Variants in FGF12 observed in about 807,000 individuals in gnomAD.
FGF12 encodes the protein fibroblast growth factor 12B.
A neutral mutation model predicts 23.6 loss-of-function variants in FGF12; 14 were observed. That is an observed-to-expected ratio of 0.59 (90% confidence interval 0.39 to 0.93). The LOEUF (loss-of-function observed/expected upper bound fraction) is 0.93. Ranked by LOEUF, FGF12 falls within the 40% of genes least tolerant of loss-of-function variation. FGF12 has a pLI of 0.00. For synonymous variants in FGF12, 62 were observed against 77.3 expected, an observed-to-expected ratio of 0.80 and a Z score of 1.04; for missense variants, 175 against 217.8, an observed-to-expected ratio of 0.80 and a Z score of 1.24.
intron 4 of FGF12, among the ~76,000 whole-genome samples, chr3:192,174,323 C>G (rs894440509): frequency 6.6e-6 from 1 of 152,138 alleles, no homozygotes; most frequent in Non-Finnish European, 1.5e-5. Context: ...AGGTAGGAAC[C>G]GGGCTTTGAA....
At chr3:192,366,363 T>A (rs1718984014) in intron 2 of FGF12, among the ~76,000 whole-genome samples, 1 of 152,138 alleles carries the variant, frequency 6.6e-6, no homozygotes, top group South Asian at 2.1e-4. Context: ...GTTCTGCATA[T>A]AAACTCCAAT....
intron 2 of FGF12, among the ~76,000 whole-genome samples, chr3:192,426,464 G>T (rs758685162): frequency 1.3e-5 from 2 of 152,188 alleles, no homozygotes; most frequent in Non-Finnish European, 2.9e-5. Context: ...AGCTACAAGG[G>T]AACATTGCAT....
intron 2 of FGF12, among the ~76,000 whole-genome samples, chr3:192,640,838 G>C (rs1490004272): frequency 6.6e-6 from 1 of 151,478 alleles, no homozygotes; most frequent in Non-Finnish European, 1.5e-5. Flanking sequence ...TGTGAGACAG[G>C]GTCTTACTCT....
At chr3:192,471,639 ATTG>A (rs1215178058) in intron 2 of FGF12, among the ~76,000 whole-genome samples, 2 of 152,218 alleles carry the variant, frequency 1.3e-5, no homozygotes, top group African/African-American at 4.8e-5. Flanking sequence ...CTGTGTTATT[ATTG>A]TTGATTTCAA....
intron 2 of FGF12, among the ~76,000 whole-genome samples, chr3:192,683,873 A>T (rs1717634131): frequency 6.6e-6 from 1 of 152,212 alleles, no homozygotes; most frequent in Non-Finnish European, 1.5e-5. Flanking sequence ...GTTCGGCTGC[A>T]ACTCAACCTC....
At chr3:192,316,126 A>C (rs1041052881) in intron 4 of FGF12, among the ~76,000 whole-genome samples, 1 of 152,106 alleles carries the variant, frequency 6.6e-6, no homozygotes, top group Non-Finnish European at 1.5e-5. Flanking sequence ...TGGTATTAAG[A>C]TGGTTAGAGT....
intron 2 of FGF12, among the ~76,000 whole-genome samples, chr3:192,501,740 G>A (rs1360995043): frequency 6.6e-6 from 1 of 152,204 alleles, no homozygotes; most frequent in Non-Finnish European, 1.5e-5. Context: ...AAACATAGCA[G>A]TCTCTGCTAG....
chr3:192,333,752 A>G (rs947873805), intron 4 of FGF12, among the ~76,000 whole-genome samples: 1 of 152,118 alleles, frequency 6.6e-6, no homozygotes, highest in Non-Finnish European at 1.5e-5. Flanking sequence ...GCTTAAGTGA[A>G]AATCGATGGA....
chr3:192,618,512 G>A (rs1714849709), intron 2 of FGF12, among the ~76,000 whole-genome samples: 1 of 152,120 alleles, frequency 6.6e-6, no homozygotes, highest in South Asian at 2.1e-4. Flanking sequence ...GACAAGATGA[G>A]AAGAGTTAGT....
At chr3:192,251,058 G>C (rs1711974513) in intron 4 of FGF12, among the ~76,000 whole-genome samples, 1 of 152,118 alleles carries the variant, frequency 6.6e-6, no homozygotes, top group Admixed American at 6.6e-5. Flanking sequence ...AAAACTTACA[G>C]TCTTAAGCTG....
At chr3:192,431,143 A>G (rs182306544) in intron 2 of FGF12, among the ~76,000 whole-genome samples, 1 of 152,292 alleles carries the variant, frequency 6.6e-6, no homozygotes, top group East Asian at 1.9e-4. Flanking sequence ...TGAATGGAGA[A>G]ATTACTTGGA....
chr3:192,646,655 T>G (rs1231645654), intron 2 of FGF12, among the ~76,000 whole-genome samples: 1 of 152,128 alleles, frequency 6.6e-6, no homozygotes, highest in Non-Finnish European at 1.5e-5. Flanking sequence ...GAAATGTTCA[T>G]AGTAGGCAAA....
chr3:192,626,499 GA>G (rs748883392), intron 2 of FGF12, among the ~76,000 whole-genome samples: 7 of 152,170 alleles, frequency 4.6e-5, no homozygotes, highest in Admixed American at 1.3e-4. Context: ...TTTTCTCTCA[GA>G]AATGGACTAA....
At chr3:192,382,555 TA>T (rs1249212578) in intron 2 of FGF12, among the ~76,000 whole-genome samples, 2 of 152,048 alleles carry the variant, frequency 1.3e-5, no homozygotes, top group African/African-American at 4.8e-5. Flanking sequence ...TACGTTGGTA[TA>T]AAAAACAAAG....
intron 2 of FGF12, among the ~76,000 whole-genome samples, chr3:192,702,877 C>T (rs924177749): frequency 1.3e-5 from 2 of 152,174 alleles, no homozygotes; most frequent in Admixed American, 1.3e-4. Flanking sequence ...GAGTTGATTA[C>T]ATATAACTAT....
intron 2 of FGF12, among the ~76,000 whole-genome samples, chr3:192,633,857 AC>A (rs531224470): frequency 8.6e-5 from 13 of 151,804 alleles, no homozygotes; most frequent in East Asian, 3.9e-4. Flanking sequence ...CATCTCAACA[AC>A]CCTTCATGCG....
chr3:192,547,251 G>A (rs527497360), intron 2 of FGF12, among the ~76,000 whole-genome samples: 140 of 152,274 alleles, frequency 9.2e-4, no homozygotes, highest in Non-Finnish European at 6.3e-4. Flanking sequence ...AGCAGGTGAC[G>A]TCTCTCTCCC....
intron 2 of FGF12, among the ~76,000 whole-genome samples, chr3:192,684,583 T>TA (rs1251614600): frequency 6.6e-6 from 1 of 152,154 alleles, no homozygotes; most frequent in East Asian, 1.9e-4. Context: ...GTGACATATG[T>TA]TAAACTATTT....
intron 4 of FGF12, among the ~76,000 whole-genome samples, chr3:192,305,681 T>A (rs71635019): frequency 0.094 from 9,547 of 101,142 alleles, 439 homozygotes; most frequent in Middle Eastern, 0.14. Flanking sequence ...AAAAAAAAAA[T>A]ATATATATAT....
Sources: gnomAD v4.1 joint callset for allele counts (sites outside exome capture counted in the v4.1 genomes callset) on GRCh38, gnomAD v4.1.1 for gene constraint, MANE v1.5 for transcripts, NCBI Gene and HGNC (gene_info 2026-07-23, HGNC 2026-07-21) for gene names.